Variants in RNF180 observed in about 807,000 individuals in gnomAD.
The protein encoded by RNF180 is E3 ubiquitin-protein ligase RNF180.
In RNF180, 38 loss-of-function variants were observed where a neutral mutation model predicts 59.2. The ratio of observed to expected loss-of-function variants is 0.64; its 90% CI spans 0.50 to 0.84. The LOEUF (loss-of-function observed/expected upper bound fraction) is 0.84, where lower values mean the gene tolerates loss of function less well. Among genes scored for constraint, RNF180 ranks in the 40% least tolerant of loss-of-function variants. The pLI, the probability that RNF180 is intolerant of heterozygous loss-of-function variation, is 0.00. For synonymous variants in RNF180, 262 were observed against 240.3 expected, an observed-to-expected ratio of 1.09 and a Z score of -0.84; for missense variants, 705 against 700.9, an observed-to-expected ratio of 1.01 and a Z score of -0.07.
intron 3 of RNF180, among the ~76,000 whole-genome samples, 193 bp downstream of exon 3, chr5:64,212,353 C>T (rs149545045): frequency 0.014 from 2,131 of 152,032 alleles, 23 homozygotes; most frequent in Middle Eastern, 0.092. Context: ...CGCACACACA[C>T]ACACATGCAC....
At chr5:64,357,821 C>T (rs549825317) in intron 7 of RNF180, among the ~76,000 whole-genome samples, 1 of 151,862 alleles carries the variant, frequency 6.6e-6, no homozygotes, top group East Asian at 2.0e-4. Flanking sequence ...AAGTCATAGC[C>T]TTGTTTTCTA....
chr5:64,345,657 C>G (rs1211881790), intron 7 of RNF180, among the ~76,000 whole-genome samples: 1 of 152,106 alleles, frequency 6.6e-6, no homozygotes, highest in Non-Finnish European at 1.5e-5. Context: ...GGGCCACTTC[C>G]AATCAACCAC....
At chr5:64,238,769 C>T (rs115353809) in intron 5 of RNF180, among the ~76,000 whole-genome samples, 1,622 of 152,232 alleles carry the variant, frequency 0.011, 11 homozygotes, top group Non-Finnish European at 0.016. Flanking sequence ...AATATGTTCT[C>T]CCTTTCTATA....
rs1026338076 is a variant in RNF180, at chr5:64,370,239, T to C, written c.*425T>C. 4 of 153,194 alleles carry C rather than the reference T, an allele frequency of 2.6e-5. No individual in the cohort carries two copies. Among genetic ancestry groups the C allele is most frequent in the African/African-American group, 9.7e-5 (4 of 41,426 alleles). 9.5% of individuals were successfully genotyped at this position (153,194 alleles called of 1,614,324 possible). A position where few individuals can be genotyped will look rare whatever the true frequency, so the allele number is the denominator to read the frequency against. The stretch of plus-strand genomic sequence containing the variant: ...TCACCACTTATTCTCAGGCAAATTA[T>C]ATGTATTAAAGATAAACCATATTCT... On this transcript the variant is annotated 3_prime_UTR_variant, in exon 8 of 8. Coordinates refer to ENST00000389100, the MANE Select transcript of RNF180 (RefSeq NM_001113561.2).
chr5:64,257,282 GT>G (rs766501609), intron 5 of RNF180, among the ~76,000 whole-genome samples: 106 of 152,314 alleles, frequency 7.0e-4, no homozygotes, highest in Middle Eastern at 3.4e-3. Flanking sequence ...TCTTGTGCCA[GT>G]TTTCAAAGGG....
intron 7 of RNF180, among the ~76,000 whole-genome samples, chr5:64,349,856 G>A (rs1399872767): frequency 6.6e-6 from 1 of 152,062 alleles, no homozygotes; most frequent in Non-Finnish European, 1.5e-5. Flanking sequence ...ATTAGGGTTG[G>A]TTCCAAGTCT....
intron 5 of RNF180, among the ~76,000 whole-genome samples, chr5:64,309,529 T>C (rs1281471687): frequency 2.0e-5 from 3 of 151,714 alleles, no homozygotes; most frequent in Non-Finnish European, 3.0e-5. Flanking sequence ...TTTTGTTTTT[T>C]TAATATTTTG....
chr5:64,333,205 T>G (rs1465355144), intron 7 of RNF180, among the ~76,000 whole-genome samples: 1 of 152,220 alleles, frequency 6.6e-6, no homozygotes, highest in Non-Finnish European at 1.5e-5. Context: ...TGAGACAAAG[T>G]CTGGCTCTAT....
At chr5:64,297,730 G>A (rs997828599) in intron 5 of RNF180, among the ~76,000 whole-genome samples, 44 of 152,112 alleles carry the variant, frequency 2.9e-4, no homozygotes, top group African/African-American at 1.0e-3. Context: ...ACCTGACTTC[G>A]AAGTTGAGTT....
intron 1 of RNF180, among the ~76,000 whole-genome samples, chr5:64,198,456 G>A (rs577323067): frequency 3.9e-5 from 6 of 152,310 alleles, no homozygotes; most frequent in Admixed American, 1.3e-4. Context: ...TGATACGAAA[G>A]CATTGTCACA....
At chr5:64,346,592 C>T (rs1250473992) in intron 7 of RNF180, among the ~76,000 whole-genome samples, 3 of 151,560 alleles carry the variant, frequency 2.0e-5, no homozygotes, top group Non-Finnish European at 2.9e-5. Flanking sequence ...CTGGTCTCAA[C>T]GTCCTGACCT....
chr5:64,228,042 G>GT (rs1934922650), intron 5 of RNF180, among the ~76,000 whole-genome samples: 1 of 152,114 alleles, frequency 6.6e-6, no homozygotes, highest in Admixed American at 6.5e-5. Context: ...CAGCCTCCAT[G>GT]TGCCCCCAAA....
intron 1 of RNF180, among the ~76,000 whole-genome samples, chr5:64,182,926 A>G (rs1350401493): frequency 6.6e-6 from 1 of 152,226 alleles, no homozygotes; most frequent in African/African-American, 2.4e-5. Context: ...AAGGTGATCA[A>G]GACTGAATAT....
intron 5 of RNF180, among the ~76,000 whole-genome samples, chr5:64,311,278 G>GAT (rs1007089795): frequency 2.0e-5 from 3 of 151,954 alleles, no homozygotes; most frequent in Non-Finnish European, 4.4e-5. Flanking sequence ...AGTTATGGTT[G>GAT]ATATAGTTCA....
chr5:64,228,551 A>T (rs1385541134), intron 5 of RNF180, among the ~76,000 whole-genome samples: 1 of 152,182 alleles, frequency 6.6e-6, no homozygotes, highest in Non-Finnish European at 1.5e-5. Flanking sequence ...GAGCGTTGTT[A>T]TCTATGAAGG....
intron 7 of RNF180, among the ~76,000 whole-genome samples, chr5:64,345,987 A>ATCTT (rs35590919): frequency 3.5e-4 from 53 of 151,326 alleles, no homozygotes; most frequent in Admixed American, 8.6e-4. Context: ...GCAATCATTG[A>ATCTT]TTTTTTTTTA....
At chr5:64,320,005 T>C (rs1744264064) in intron 5 of RNF180, among the ~76,000 whole-genome samples, 2 of 152,202 alleles carry the variant, frequency 1.3e-5, no homozygotes, top group Non-Finnish European at 2.9e-5. Context: ...TTTCAAAGTG[T>C]GAACCAACAG....
intron 5 of RNF180, among the ~76,000 whole-genome samples, chr5:64,268,818 C>G (rs1744837552): frequency 6.6e-6 from 1 of 152,162 alleles, no homozygotes. Flanking sequence ...TTCAGTCCCT[C>G]TAAACTTCTG....
chr5:64,173,802 G>A lies in RNF180; in HGVS notation c.-1+7849G>A, dbSNP rs141940633. ...ATGATCTCGGCTCACTGCAACCTCT[G>A]CCTCCCGGGTTCAAGTGATTCTCCT... On this transcript the variant is annotated intron_variant, in intron 1 of 7. Coordinates refer to ENST00000389100, the MANE Select transcript of RNF180 (RefSeq NM_001113561.2). Among the ~76,000 whole-genome samples, 1,338 of 149,984 alleles carry A rather than the reference G, an allele frequency of 8.9e-3. 22 individuals carry two copies. Among genetic ancestry groups the A allele is most frequent in the African/African-American group, 0.03 (1,205 of 40,668 alleles).
Sources: gnomAD v4.1 joint callset for allele counts (sites outside exome capture counted in the v4.1 genomes callset) on GRCh38, gnomAD v4.1.1 for gene constraint, MANE v1.5 for transcripts, NCBI Gene and HGNC (gene_info 2026-07-23, HGNC 2026-07-21) for gene names.